The following ARHGAP24 variants were observed in gnomAD, a reference collection of about 807,000 sequenced individuals.
The protein encoded by ARHGAP24 is Rho GTPase activating protein 24, also known as rho GTPase-activating protein 24.
A neutral mutation model predicts 76.4 loss-of-function variants in ARHGAP24; 50 were observed. The ratio of observed to expected loss-of-function variants is 0.65; its 90% CI spans 0.52 to 0.83. The LOEUF is 0.83. Ranked by LOEUF, ARHGAP24 falls within the 40% of genes least tolerant of loss-of-function variation. ARHGAP24 has a pLI of 0.00. For missense variants in ARHGAP24, 930 were observed against 914.2 expected (o/e 1.02, Z -0.22); for synonymous variants, 345 against 323.3 (o/e 1.07, Z -0.72).
In ARHGAP24 at chr4:85,755,626, G is replaced by GTTTTTTTTTTTTTTTTTTT. The variant is rs111410344; in HGVS notation, c.268+33658_268+33659insTTTTTTTTTTTTTTTTTTT. Reference sequence around the variant, plus strand: ...TTCTATGGGAAGCTTCTATTCTTTTGTTTTGTTTTGTTTTGTTTTGTTTTG... The same window carrying GTTTTTTTTTTTTTTTTTTT: ...TTCTATGGGAAGCTTCTATTCTTTTGTTTTTTTTTTTTTTTTTTTTTTTGTTTTGTTTTGTTTTGTTTTG... On this transcript the variant is annotated intron_variant, in intron 3 of 9. Coordinates refer to ENST00000395184, the MANE Select transcript of ARHGAP24 (RefSeq NM_001025616.3). Among the ~76,000 whole-genome samples the GTTTTTTTTTTTTTTTTTTT allele has an allele frequency of 1.0e-4, 12 of 117,414 alleles. 4 individuals carry two copies. The highest frequency in any genetic ancestry group is 1.2e-4 in the Non-Finnish European group (7 of 56,162). 77.0% of individuals were successfully genotyped at this position (117,414 alleles called of 152,430 possible).
At chr4:85,615,796 C>T (rs571039645) in intron 2 of ARHGAP24, among the ~76,000 whole-genome samples, 1 of 152,128 alleles carries the variant, frequency 6.6e-6, no homozygotes, top group Non-Finnish European at 1.5e-5. Context: ...TTTAAGAAAG[C>T]TAGTTTTTCA....
chr4:85,494,460 G>A (rs1284754942), intron 1 of ARHGAP24, among the ~76,000 whole-genome samples: 1 of 151,924 alleles, frequency 6.6e-6, no homozygotes, highest in Non-Finnish European at 1.5e-5. Flanking sequence ...GCCAAGGCGG[G>A]TGGAACACGA....
intron 2 of ARHGAP24, among the ~76,000 whole-genome samples, chr4:85,602,699 G>C (rs1720073979): frequency 6.6e-6 from 1 of 152,104 alleles, no homozygotes; most frequent in Admixed American, 6.6e-5. Context: ...ATTATGTAAT[G>C]CATTTTCTCA....
intron 3 of ARHGAP24, among the ~76,000 whole-genome samples, chr4:85,738,306 T>G (rs1416236850): frequency 2.6e-5 from 4 of 151,770 alleles, no homozygotes; most frequent in Non-Finnish European, 4.4e-5. Flanking sequence ...TTTGACCATT[T>G]GCATATATCT....
intron 3 of ARHGAP24, among the ~76,000 whole-genome samples, chr4:85,766,437 C>A (rs1001231130): frequency 4.6e-5 from 7 of 152,234 alleles, no homozygotes; most frequent in Admixed American, 3.3e-4. Context: ...GTGTCCAGAT[C>A]TTTGCCATTC....
chr4:85,577,161 A>T (rs1727411171), intron 2 of ARHGAP24, among the ~76,000 whole-genome samples: 1 of 150,368 alleles, frequency 6.7e-6, no homozygotes, highest in African/African-American at 2.4e-5. Context: ...ATAGATTTCT[A>T]ATGTACCTAC....
At chr4:85,582,737 GA>G (rs1196641742) in intron 2 of ARHGAP24, among the ~76,000 whole-genome samples, 6 of 151,910 alleles carry the variant, frequency 3.9e-5, no homozygotes, top group African/African-American at 9.7e-5. Context: ...ATTACCGGGG[GA>G]AAAAAACCTG....
chr4:85,837,520 G>GA (rs1451033608), intron 3 of ARHGAP24, among the ~76,000 whole-genome samples: 1 of 151,450 alleles, frequency 6.6e-6, no homozygotes, highest in Non-Finnish European at 1.5e-5. Flanking sequence ...AATCGAAAGA[G>GA]AAAAACAAAA....
At chr4:85,995,751 C>A in intron 9 of ARHGAP24, 94 bp downstream of exon 9, 1 of 1,231,804 alleles carries the variant, frequency 8.1e-7, no homozygotes, top group South Asian at 1.3e-5. Context: ...ATGCTGGCTC[C>A]AAAGTCAAAG....
chr4:85,997,197 GT>G (rs201236842), intron 9 of ARHGAP24, among the ~76,000 whole-genome samples: 2,002 of 152,116 alleles, frequency 0.013, 41 homozygotes, highest in African/African-American at 0.045. Flanking sequence ...TCTGTTTAGA[GT>G]TATTCATTTT....
chr4:85,882,564 G>C (rs1163932100), intron 3 of ARHGAP24, among the ~76,000 whole-genome samples: 6 of 152,154 alleles, frequency 3.9e-5, no homozygotes, highest in Admixed American at 2.0e-4. Context: ...AAAATGAGGA[G>C]CATGGGCACA....
chr4:85,939,486 A>T (rs2148823404), intron 4 of ARHGAP24, among the ~76,000 whole-genome samples: 1 of 152,268 alleles, frequency 6.6e-6, no homozygotes, highest in Non-Finnish European at 1.5e-5. Context: ...TAAAAGGGAG[A>T]ATGATAGTTA....
At chr4:85,597,817 A>C (rs1415413078) in intron 2 of ARHGAP24, among the ~76,000 whole-genome samples, 1 of 152,150 alleles carries the variant, frequency 6.6e-6, no homozygotes, top group Non-Finnish European at 1.5e-5. Context: ...AGTATGTGAA[A>C]TTAACTTTCA....
rs142330674 is a variant in ARHGAP24 at position 85,670,872 on chromosome 4, A to C, written c.181-51013A>C. Among the ~76,000 whole-genome samples, 1,228 of 152,252 alleles carry C rather than the reference A, an allele frequency of 8.1e-3. 16 individuals are homozygous for C. Among genetic ancestry groups the C allele is most frequent in the African/African-American group, 0.028 (1,171 of 41,570 alleles). On this transcript the variant is annotated intron_variant, in intron 2 of 9. Transcript: ENST00000395184. Reference sequence around the variant, plus strand: ...CCCTATGAGCCTCAGGCAGTTCTCAAACAGGGACATGGGCCATGAATGTTT... The same window carrying C: ...CCCTATGAGCCTCAGGCAGTTCTCACACAGGGACATGGGCCATGAATGTTT...
chr4:85,619,926 A>G (rs776074693), intron 2 of ARHGAP24, among the ~76,000 whole-genome samples: 20 of 151,846 alleles, frequency 1.3e-4, no homozygotes, highest in Non-Finnish European at 1.9e-4. Context: ...ATGATCATAT[A>G]ATTTTAATAC....
At chr4:85,726,989 G>A (rs984632928) in intron 3 of ARHGAP24, among the ~76,000 whole-genome samples, 2 of 151,992 alleles carry the variant, frequency 1.3e-5, no homozygotes, top group African/African-American at 4.8e-5. Context: ...ATCCAAGGTG[G>A]GGGGATCCTG....
At chr4:85,499,939 C>T (rs1723736938) in intron 1 of ARHGAP24, among the ~76,000 whole-genome samples, 1 of 152,046 alleles carries the variant, frequency 6.6e-6, no homozygotes, top group Non-Finnish European at 1.5e-5. Context: ...GAACAACTCA[C>T]CTCTGGAGAT....
At chr4:85,836,570 A>G (rs1298289944) in intron 3 of ARHGAP24, among the ~76,000 whole-genome samples, 1 of 152,126 alleles carries the variant, frequency 6.6e-6, no homozygotes, top group Non-Finnish European at 1.5e-5. Flanking sequence ...GTCATATTGG[A>G]TTAGGGACTA....
At chr4:85,706,897 C>T (rs1362409579) in intron 2 of ARHGAP24, among the ~76,000 whole-genome samples, 3 of 151,802 alleles carry the variant, frequency 2.0e-5, no homozygotes, top group Non-Finnish European at 4.4e-5. Context: ...ATTAAATGAA[C>T]GCCTTATTTT....
Sources: gnomAD v4.1 joint callset for allele counts (sites outside exome capture counted in the v4.1 genomes callset) on GRCh38, gnomAD v4.1.1 for gene constraint, MANE v1.5 for transcripts, NCBI Gene and HGNC (gene_info 2026-07-23, HGNC 2026-07-21) for gene names.